Variants in ZNF248 observed in about 807,000 individuals in gnomAD.
ZNF248 encodes KRAB protein domain.
A neutral mutation model predicts 44.3 loss-of-function variants in ZNF248; 20 were observed. The ratio of observed to expected loss-of-function variants is 0.45; its 90% CI spans 0.32 to 0.66. The LOEUF is 0.66. Ranked by LOEUF, ZNF248 falls within the 30% of genes least tolerant of loss-of-function variation. The pLI is 0.04. For synonymous variants in ZNF248, 224 were observed against 229.0 expected (o/e 0.98, Z 0.20); for missense variants, 654 against 677.0 (o/e 0.97, Z 0.38).
intron 6 of ZNF248, among the ~76,000 whole-genome samples, chr10:37,797,122 T>C (rs1025620391): frequency 6.6e-6 from 1 of 152,174 alleles, no homozygotes; most frequent in Non-Finnish European, 1.5e-5. Context: ...ATTAAGAAAC[T>C]TGTCTAAAGA....
rs563814001 is a variant in ZNF248 at position 37,780,850 on chromosome 10, T to C, written c.331-4275A>G. On this transcript the variant is annotated intron_variant, in intron 6 of 6. Coordinates refer to the ZNF248 transcript ENST00000615949. The stretch of plus-strand genomic sequence containing the variant: ...GCTCGCCTGCTTGTCACACTCGGGC[T>C]GAATCCGCTCCCGGAGTGGTGTATA... Among the ~76,000 whole-genome samples the C allele has an allele frequency of 9.2e-4, 140 of 152,262 alleles. 1 individual carries two copies. Among genetic ancestry groups the C allele is most frequent in the South Asian group, 3.9e-3 (19 of 4,820 alleles).
At chr10:37,813,453 T>G (rs2051888207) in intron 6 of ZNF248, among the ~76,000 whole-genome samples, 1 of 152,112 alleles carries the variant, frequency 6.6e-6, no homozygotes, top group African/African-American at 2.4e-5. Context: ...CTCCTCCACT[T>G]CTGCCTCTGC....
chr10:37,803,727 C>T (rs1378905149), intron 6 of ZNF248: 1 of 152,550 alleles, frequency 6.6e-6, no homozygotes, highest in Non-Finnish European at 1.5e-5. Context: ...TTAGTTGGAA[C>T]CTTCAATCTG....
chr10:37,831,107 T>G lies in ZNF248; in HGVS notation c.*508A>C, dbSNP rs1037192512. 7 of 1,409,862 alleles carry G rather than the reference T, an allele frequency of 5.0e-6. No homozygotes were observed. The highest frequency in any genetic ancestry group is 6.0e-5 in the Admixed American group (2 of 33,344). The allele number at this position is 1,409,862 out of a possible 1,614,324, so 87.3% of individuals were successfully genotyped here. ...CTATAAAGACACCAATGGTATTTAGTGTAGAAAATATTAACAAATACCATA... is the reference window on the plus strand; with the variant it reads ...CTATAAAGACACCAATGGTATTTAGGGTAGAAAATATTAACAAATACCATA... On this transcript the variant is annotated 3_prime_UTR_variant, in exon 6 of 6. Transcript: ENST00000395867.
chr10:37,839,026 A>C (rs927852362), intron 3 of ZNF248, among the ~76,000 whole-genome samples: 1 of 152,192 alleles, frequency 6.6e-6, no homozygotes, highest in African/African-American at 2.4e-5. Flanking sequence ...TCTGACCTTA[A>C]CCTTCTCTGA....
rs187956281 is a variant in ZNF248, at chr10:37,840,769, G to C, written c.16-2658C>G. Among the ~76,000 whole-genome samples, 695 of 152,146 alleles carry C rather than the reference G, an allele frequency of 4.6e-3. 7 individuals are homozygous for C. Among genetic ancestry groups the C allele is most frequent in the African/African-American group, 0.016 (667 of 41,520 alleles). On this transcript the variant is annotated intron_variant, in intron 3 of 5. Transcript: ENST00000395867. ...TGCACTCCAGCCTGGACAAGAGTGA[G>C]ACTATGTCTCAAAAAAAGAAAAAAG...
At position 37,857,166 on chromosome 10, in the gene ZNF248, C is replaced by A. The variant is rs536165135; in HGVS notation, c.-126+19G>T. 4 of 153,420 alleles carry A rather than the reference C, an allele frequency of 2.6e-5. No individual in the cohort carries two copies. Among genetic ancestry groups the A allele is most frequent in the African/African-American group, 9.6e-5 (4 of 41,584 alleles). 9.5% of individuals were successfully genotyped at this position (153,420 alleles called of 1,614,324 possible). A position where few individuals can be genotyped will look rare whatever the true frequency, so the allele number is the denominator to read the frequency against. On this transcript the variant is annotated intron_variant, in intron 1 of 5. Coordinates refer to ENST00000395867, the MANE Select transcript of ZNF248 (RefSeq NM_021045.3). Reference sequence around the variant, plus strand: ...ACGTTCCTGTTAGCCTGCGCGCCCACCCCTCAGCTCCAGCTCACCTCTCTC... The same window carrying A: ...ACGTTCCTGTTAGCCTGCGCGCCCAACCCTCAGCTCCAGCTCACCTCTCTC...
chr10:37,827,384 C>T (rs964782006), downstream of ZNF248, among the ~76,000 whole-genome samples: 1 of 152,172 alleles, frequency 6.6e-6, no homozygotes, highest in Non-Finnish European at 1.5e-5. Context: ...AAACCAATAA[C>T]AGAGAGTATT....
At chr10:37,766,052 G>A in the ZNF248 span, among the ~76,000 whole-genome samples, 101 of 152,358 alleles carry the variant, frequency 6.6e-4, 2 homozygotes, top group South Asian at 3.7e-3. Flanking sequence ...TGGCAGCAAC[G>A]CTGCGGGAGG....
chr10:37,851,694 C>A (rs1053920731), intron 3 of ZNF248, among the ~76,000 whole-genome samples: 1 of 126,072 alleles, frequency 7.9e-6, no homozygotes, highest in Non-Finnish European at 1.6e-5. Flanking sequence ...AATATACAGG[C>A]AGAAAATACA....
In ZNF248 at chr10:37,832,279, C is replaced by T; in HGVS notation, c.1076G>A (p.Ser359Asn). The change falls in exon 6 of 6, where the codon AGT (serine) becomes AAT (asparagine). Residue 359 changes from serine (S) to asparagine (N), a missense_variant. Physicochemically the swap from Ser to Asn is conservative, Grantham distance 46 (BLOSUM62 1). Coordinates refer to ENST00000395867, the MANE Select transcript of ZNF248 (RefSeq NM_021045.3). ...AAGATGTGACTTCTTGCTGAAATTACTCCCATTTTCATTGTAATCATAAGA... is the reference window on the plus strand; with the variant it reads ...AAGATGTGACTTCTTGCTGAAATTATTCCCATTTTCATTGTAATCATAAGA... ...GKSYDYNENG[S>N]NFSKKSHLTQ... is the part of the protein sequence containing the mutation. 2.5e-6 allele frequency: 4 copies of T among 1,614,016 alleles called. No homozygotes were observed. The highest frequency in any genetic ancestry group is 2.2e-5 in the East Asian group (1 of 44,876).
intron 6 of ZNF248, among the ~76,000 whole-genome samples, chr10:37,780,554 A>T (rs1035430998): frequency 6.6e-6 from 1 of 152,210 alleles, no homozygotes; most frequent in African/African-American, 2.4e-5. Flanking sequence ...TTCTTGATAG[A>T]CATATTAACA....
chr10:37,834,966 C>T (rs775963114), intron 5 of ZNF248, among the ~76,000 whole-genome samples: 4 of 152,122 alleles, frequency 2.6e-5, no homozygotes, highest in Admixed American at 1.3e-4. Flanking sequence ...GGGAAATTTA[C>T]TGAGCAGCTC....
the ZNF248 span, among the ~76,000 whole-genome samples, chr10:37,759,558 T>G: frequency 1.3e-5 from 2 of 152,200 alleles, no homozygotes; most frequent in African/African-American, 4.8e-5. Context: ...GCAAAAGGCC[T>G]TAATCCATTC....
At chr10:37,789,733 A>C (rs1452984951) in intron 6 of ZNF248, among the ~76,000 whole-genome samples, 16 of 152,216 alleles carry the variant, frequency 1.1e-4, no homozygotes, top group Admixed American at 1.0e-3. Flanking sequence ...TTGACTGAGA[A>C]GCCTAGAGGA....
At chr10:37,792,550 C>T (rs562730432) in intron 6 of ZNF248, among the ~76,000 whole-genome samples, 1 of 152,136 alleles carries the variant, frequency 6.6e-6, no homozygotes, top group African/African-American at 2.4e-5. Flanking sequence ...AACACTGTAA[C>T]TTTACAGGTG....
chr10:37,819,117 T>C, intron 6 of ZNF248: 1 of 785,674 alleles, frequency 1.3e-6, no homozygotes, highest in Non-Finnish European at 2.3e-6. Flanking sequence ...ACTGTACCAT[T>C]TACTAAAAGA....
At chr10:37,847,367 C>A (rs2059500979) in intron 3 of ZNF248, among the ~76,000 whole-genome samples, 1 of 152,104 alleles carries the variant, frequency 6.6e-6, no homozygotes, top group African/African-American at 2.4e-5. Context: ...CTAGTTATTT[C>A]TTATTTTAAA....
the ZNF248 span, among the ~76,000 whole-genome samples, chr10:37,769,820 A>C: frequency 6.6e-6 from 1 of 152,214 alleles, no homozygotes; most frequent in African/African-American, 2.4e-5. Context: ...TTAGGAAAAG[A>C]GGAAGTCAAA....
Sources: allele counts gnomAD v4.1 joint callset (sites outside exome capture counted in the v4.1 genomes callset), GRCh38; gene constraint gnomAD v4.1.1; transcripts MANE v1.5; gene names NCBI Gene and HGNC (gene_info 2026-07-23, HGNC 2026-07-21).